Variants in SELENOF observed in about 807,000 individuals in gnomAD.
SELENOF encodes the protein selenoprotein F.
SELENOF carries 16 observed loss-of-function variants against 20.5 expected under a neutral mutation model. The observed-to-expected ratio is 0.78, with a 90% CI of 0.53 to 1.19. SELENOF has a LOEUF of 1.19. Among genes scored for constraint, SELENOF ranks in the 50% most tolerant of loss-of-function variants. The pLI, the probability that SELENOF is intolerant of heterozygous loss-of-function variation, is 0.00. For missense variants in SELENOF, 215 were observed against 194.2 expected, an observed-to-expected ratio of 1.11 and a Z score of -0.64; for synonymous variants, 78 against 74.5, an observed-to-expected ratio of 1.05 and a Z score of -0.24.
Position 86,877,811 on chromosome 1 carries a change from T to C in SELENOF, c.316+2851A>G, listed in dbSNP as rs185805769. Among the ~76,000 whole-genome samples, 335 of 152,346 alleles carry C rather than the reference T, an allele frequency of 2.2e-3. 1 individual carries two copies. The highest frequency in any genetic ancestry group is 3.9e-3 in the Admixed American group (59 of 15,308). ...CAGTGACGTGCATTCGTTTAAGAACTGTCTATGGCTGCTTCCATGCTATAA... is the reference window on the plus strand; with the variant it reads ...CAGTGACGTGCATTCGTTTAAGAACCGTCTATGGCTGCTTCCATGCTATAA... On this transcript the variant is annotated intron_variant, in intron 3 of 4. Transcript: ENST00000331835.
At chr1:86,883,426 T>C (rs909356302) in intron 2 of SELENOF, among the ~76,000 whole-genome samples, 2 of 152,074 alleles carry the variant, frequency 1.3e-5, no homozygotes, top group Non-Finnish European at 2.9e-5. Flanking sequence ...ATGGTTAAAA[T>C]AGTGAATTTT....
chr1:86,914,146 TA>T, upstream of SELENOF: 2 of 1,597,488 alleles, frequency 1.3e-6, no homozygotes, highest in Non-Finnish European at 1.7e-6. Context: ...GAAGGACCCC[TA>T]AGCTAGGGGC....
At chr1:86,876,036 T>C (rs1234419807) in intron 3 of SELENOF, among the ~76,000 whole-genome samples, 2 of 151,108 alleles carry the variant, frequency 1.3e-5, no homozygotes, top group East Asian at 3.9e-4. Flanking sequence ...AGAGACACAA[T>C]CAGATTTGTT....
chr1:86,869,980 A>G (rs1172027982), intron 3 of SELENOF, among the ~76,000 whole-genome samples: 1 of 152,080 alleles, frequency 6.6e-6, no homozygotes, highest in Non-Finnish European at 1.5e-5. Flanking sequence ...TCACCATGTT[A>G]GCCAGGATGG....
At chr1:86,909,375 T>C (rs1173269889) in intron 1 of SELENOF, among the ~76,000 whole-genome samples, 1 of 152,144 alleles carries the variant, frequency 6.6e-6, no homozygotes. Flanking sequence ...TAAGGGTGAA[T>C]TGTCCAGCAC....
intron 3 of SELENOF, among the ~76,000 whole-genome samples, chr1:86,871,865 A>G (rs987355613): frequency 6.6e-6 from 1 of 152,234 alleles, no homozygotes; most frequent in Non-Finnish European, 1.5e-5. Flanking sequence ...CATGTGCTCT[A>G]TAGCTGCATG....
rs528225214 is a variant in SELENOF at position 86,914,013 on chromosome 1, G to A, written c.84+15C>T. ...TACTCTCCCTGTGGCAGCTGCGAAG[G>A]TGATCTACACTCACCGCTTGAAGCA... On this transcript the variant is annotated intron_variant, in intron 1 of 4. Transcript: ENST00000331835. The A allele has an allele frequency of 3.0e-5, 48 of 1,609,070 alleles. 1 individual carries two copies. In the South Asian group the frequency reaches 5.2e-4, roughly 17 times the overall value.
At chr1:86,881,269 T>C (rs1659062362) in intron 2 of SELENOF, among the ~76,000 whole-genome samples, 1 of 152,218 alleles carries the variant, frequency 6.6e-6, no homozygotes, top group Non-Finnish European at 1.5e-5. Flanking sequence ...TTTCCTTTAA[T>C]GAAATTTAGC....
intron 3 of SELENOF, among the ~76,000 whole-genome samples, chr1:86,876,245 A>G (rs1003601349): frequency 1.3e-5 from 2 of 152,138 alleles, no homozygotes; most frequent in African/African-American, 4.8e-5. Flanking sequence ...CTAACTGGAT[A>G]TAACGTGTGA....
intron 4 of SELENOF, among the ~76,000 whole-genome samples, chr1:86,866,471 G>A (rs1451755983): frequency 6.6e-6 from 1 of 152,016 alleles, no homozygotes; most frequent in Non-Finnish European, 1.5e-5. Flanking sequence ...GGTGGGCACA[G>A]AAAGATAAAA....
At chr1:86,910,693 A>G (rs1659956704) in intron 1 of SELENOF, among the ~76,000 whole-genome samples, 1 of 133,300 alleles carries the variant, frequency 7.5e-6, no homozygotes, top group Non-Finnish European at 1.6e-5. Flanking sequence ...ACAGAGCAAG[A>G]CTCCATATCA....
intron 1 of SELENOF, among the ~76,000 whole-genome samples, chr1:86,912,435 C>G (rs750602968): frequency 1.3e-5 from 2 of 152,182 alleles, no homozygotes; most frequent in Non-Finnish European, 2.9e-5. Context: ...GGTATGCACA[C>G]TTTGCAAAGT....
At chr1:86,898,292 G>C (rs1659577731) in intron 2 of SELENOF, among the ~76,000 whole-genome samples, 1 of 152,130 alleles carries the variant, frequency 6.6e-6, no homozygotes, top group Non-Finnish European at 1.5e-5. Flanking sequence ...AAGGGAGGGA[G>C]ACCAAATAAA....
At chr1:86,894,860 C>CA (rs1009782243) in intron 2 of SELENOF, among the ~76,000 whole-genome samples, 4 of 151,920 alleles carry the variant, frequency 2.6e-5, no homozygotes, top group Admixed American at 6.6e-5. Context: ...ACAACAACAA[C>CA]AACAAACAAA....
chr1:86,885,238 C>A, intron 2 of SELENOF, among the ~76,000 whole-genome samples: 1 of 152,288 alleles, frequency 6.6e-6, no homozygotes, highest in Middle Eastern at 3.4e-3. Context: ...TTCCAGATAA[C>A]AGCTACTCAA....
At position 86,872,536 on chromosome 1, in the gene SELENOF, T is replaced by TG. The variant is rs1324781373; in HGVS notation, c.317-4435dup. Among the ~76,000 whole-genome samples the TG allele has an allele frequency of 3.6e-5, 5 of 139,490 alleles. No individual in the cohort carries two copies. The East Asian group carries it at 7.8e-4, about 22-fold the overall frequency. 91.5% of individuals were successfully genotyped at this position (139,490 alleles called of 152,430 possible). A position where few individuals can be genotyped will look rare whatever the true frequency, so the allele number is the denominator to read the frequency against. ...GGCATGCGCCACAACGCCCAGCTAA[T>TG]GTTTTTTTTTTTTTTTGTATTTTTA... On this transcript the variant is annotated intron_variant, in intron 3 of 4. Transcript: ENST00000331835.
At chr1:86,870,855 G>A (rs913961534) in intron 3 of SELENOF, among the ~76,000 whole-genome samples, 23 of 152,168 alleles carry the variant, frequency 1.5e-4, no homozygotes, top group Non-Finnish European at 2.2e-4. Context: ...TCCTGACCTC[G>A]TGATCTGCCC....
At chr1:86,884,493 T>C (rs1659166272) in intron 2 of SELENOF, among the ~76,000 whole-genome samples, 1 of 152,114 alleles carries the variant, frequency 6.6e-6, no homozygotes, top group African/African-American at 2.4e-5. Flanking sequence ...TTGTAGTAAA[T>C]TTAAAATGCC....
intron 3 of SELENOF, among the ~76,000 whole-genome samples, chr1:86,871,198 C>A (rs1256692427): frequency 6.6e-6 from 1 of 152,096 alleles, no homozygotes; most frequent in Non-Finnish European, 1.5e-5. Context: ...AAACTGAGTT[C>A]TTTAATGTCA....
Sources: gnomAD v4.1 joint callset for allele counts (sites outside exome capture counted in the v4.1 genomes callset) on GRCh38, gnomAD v4.1.1 for gene constraint, MANE v1.5 for transcripts, NCBI Gene and HGNC (gene_info 2026-07-23, HGNC 2026-07-21) for gene names.